PHYHIP: variants seen among roughly 807,000 people sequenced by gnomAD.
PHYHIP encodes phytanoyl-CoA hydroxylase-interacting protein.
In PHYHIP, 7 loss-of-function variants were observed where a neutral mutation model predicts 26.1. The ratio of observed to expected loss-of-function variants is 0.27; its 90% confidence interval spans 0.15 to 0.50. The LOEUF (loss-of-function observed/expected upper bound fraction) is 0.50. PHYHIP is among the 20% of genes least tolerant of loss of function. The pLI is 0.98. For missense variants in PHYHIP, 232 were observed against 454.7 expected, an observed-to-expected ratio of 0.51 and a Z score of 4.45; for synonymous variants, 206 against 183.4, an observed-to-expected ratio of 1.12 and a Z score of -1.00.
At position 22,221,578 on chromosome 8, in the gene PHYHIP, G is replaced by A; in HGVS notation, c.768C>T (p.Leu256=). The A allele has an allele frequency of 1.9e-6, 3 of 1,614,086 alleles. No homozygotes were observed. The highest frequency in any genetic ancestry group is 2.5e-6 in the Non-Finnish European group (3 of 1,180,014). ...GDRFCRDRLP[L]LDIACNKFLT... ...GGAACTTGTTGCAAGCAATGTCCAG[G>A]AGGGGCAGGCGGTCGCGGCAGAAGC... Residue 256 remains leucine, a synonymous_variant, in exon 5 of 5, where the codon CTC becomes CTT. Transcript: ENST00000454243. The surrounding 1 kb of genome is among the most constrained non-coding windows in gnomAD (Gnocchi z 7.9).
At position 22,228,297 on chromosome 8, in the gene PHYHIP, G is replaced by C. The variant is rs11547660; in HGVS notation, c.61C>G (p.Arg21Gly). The C allele has an allele frequency of 7.4e-6, 12 of 1,611,766 alleles. No individual in the cohort carries two copies. The highest frequency in any genetic ancestry group is 9.3e-6 in the Non-Finnish European group (11 of 1,179,380). Residue 21 changes from arginine to glycine, a missense_variant, in exon 2 of 5, where the codon CGC becomes GGC. Physicochemically the swap from Arg to Gly is moderately radical, Grantham distance 125. Coordinates refer to ENST00000454243, the MANE Select transcript of PHYHIP (RefSeq NM_014759.5). ...EINNITCDSF[R>G]ISWAMEDSDL... ...CTGTCCTCCATGGCCCAGGAGATGC[G>C]GAAGGAGTCGCAGGTGATGTTGTTG...
chr8:22,229,864 T>C (rs1052344740), intron 1 of PHYHIP, among the ~76,000 whole-genome samples: 2 of 152,142 alleles, frequency 1.3e-5, no homozygotes, highest in African/African-American at 2.4e-5. Flanking sequence ...CTGGCACCTC[T>C]GTATTAACCT....
chr8:22,230,920 T>C (rs928514952), intron 1 of PHYHIP, among the ~76,000 whole-genome samples: 3 of 152,068 alleles, frequency 2.0e-5, no homozygotes, highest in African/African-American at 7.2e-5. Context: ...CCAACATGCA[T>C]GTGTGCCACC....
intron 4 of PHYHIP, among the ~76,000 whole-genome samples, chr8:22,223,285 C>A (rs895473436): frequency 4.0e-5 from 6 of 151,278 alleles, no homozygotes; most frequent in Non-Finnish European, 8.8e-5. Context: ...TCATTTTAAC[C>A]CAGAAGGCAG....
At chr8:22,231,487 G>C (rs747610508) in intron 1 of PHYHIP, among the ~76,000 whole-genome samples, 52 of 152,170 alleles carry the variant, frequency 3.4e-4, no homozygotes, top group Non-Finnish European at 6.5e-4. Flanking sequence ...CGCGCACACC[G>C]GTGCCCCTTC....
At chr8:22,227,286 C>A (rs1043053721) in intron 2 of PHYHIP, among the ~76,000 whole-genome samples, 1 of 152,210 alleles carries the variant, frequency 6.6e-6, no homozygotes, top group Non-Finnish European at 1.5e-5. Context: ...AAGTTGAGGA[C>A]GGCAAGGCCT....
intron 1 of PHYHIP, among the ~76,000 whole-genome samples, chr8:22,229,551 G>A (rs962401136): frequency 9.8e-5 from 15 of 152,294 alleles, no homozygotes; most frequent in East Asian, 1.9e-4. Context: ...GCCTAGCTCC[G>A]GGATGGGGAA....
intron 3 of PHYHIP, 43 bp downstream of exon 3, chr8:22,226,808 A>T: frequency 5.8e-6 from 9 of 1,562,410 alleles, no homozygotes; most frequent in Non-Finnish European, 7.9e-6. Context: ...GCAAAGCCCG[A>T]CGTGCCAAGC....
In PHYHIP at chr8:22,225,807, CAAA is replaced by C. The variant is rs113615767; in HGVS notation, c.340+1041_340+1043del. Among the ~76,000 whole-genome samples the C allele has an allele frequency of 1.4e-4, 13 of 89,948 alleles. No individual in the cohort carries two copies. In the South Asian group the frequency reaches 3.8e-3, roughly 26 times the overall value. 59.0% of individuals were successfully genotyped at this position (89,948 alleles called of 152,430 possible). A position where few individuals can be genotyped will look rare whatever the true frequency, so the allele number is the denominator to read the frequency against. On this transcript the variant is annotated intron_variant, in intron 3 of 4. Coordinates refer to ENST00000454243, the MANE Select transcript of PHYHIP (RefSeq NM_014759.5). ...AGGCGACAAGAGCGAGATTCCATCT[CAAA>C]AAAAAAAAAAAGGCAGAAGGAGAAA...
chr8:22,223,089 G>A lies in PHYHIP; in HGVS notation c.458+1137C>T, dbSNP rs140195779. Among the ~76,000 whole-genome samples the A allele has an allele frequency of 3.1e-3, 474 of 151,920 alleles. 3 individuals carry two copies. Among genetic ancestry groups the A allele is most frequent in the African/African-American group, 0.01 (429 of 41,400 alleles). Reference sequence around the variant, plus strand: ...GGATAAAGACAGACAGAGGCCGGGCGTGGTGGCTCATGCCTGTAATCCCAG... The same window carrying A: ...GGATAAAGACAGACAGAGGCCGGGCATGGTGGCTCATGCCTGTAATCCCAG... On this transcript the variant is annotated intron_variant, in intron 4 of 4. Transcript: ENST00000454243.
Position 22,220,119 on chromosome 8 carries a change from T to A in PHYHIP, c.*1234A>T, listed in dbSNP as rs1017674844. ...TGAGGCTGCACTCTCCTCTGCCTGA[T>A]GTCACCTCCATCATCCCCCAAACAG... On this transcript the variant is annotated 3_prime_UTR_variant, in exon 5 of 5. Transcript: ENST00000454243. The A allele has an allele frequency of 6.6e-6, 1 of 152,516 alleles. No individual in the cohort carries two copies. Among genetic ancestry groups the A allele is most frequent in the South Asian group, 2.1e-4 (1 of 4,834 alleles). 9.4% of individuals were successfully genotyped at this position (152,516 alleles called of 1,614,324 possible).
chr8:22,224,174 G>T, intron 4 of PHYHIP, 52 bp downstream of exon 4: 1 of 1,064,306 alleles, frequency 9.4e-7, no homozygotes, highest in Non-Finnish European at 1.5e-6. Context: ...AGCAGGAAGG[G>T]CTGGGAGGGA....
chr8:22,227,165 T>G, intron 2 of PHYHIP, 140 bp from the exon 3 acceptor site: 1 of 748,684 alleles, frequency 1.3e-6, no homozygotes, highest in Non-Finnish European at 2.1e-6. Flanking sequence ...AATGGCTCCA[T>G]ACCCTGGCCA....
intron 2 of PHYHIP, 57 bp downstream of exon 2, chr8:22,228,136 C>G: frequency 6.9e-7 from 1 of 1,441,866 alleles, no homozygotes; most frequent in Non-Finnish European, 9.7e-7. Flanking sequence ...GTTCCCTTAT[C>G]CGGCCTCCTT....
At position 22,221,256 on chromosome 8, in the gene PHYHIP, AG is replaced by A. The variant is rs1490861233; in HGVS notation, c.*96del. On this transcript the variant is annotated 3_prime_UTR_variant, in exon 5 of 5. Coordinates refer to ENST00000454243, the MANE Select transcript of PHYHIP (RefSeq NM_014759.5). This position sits in a 1 kb window ranked among gnomAD's most constrained non-coding sequence, Gnocchi z 7.9. ...GGCAGCTGGGCAGAGTGGAGGGAGCAGGGGGGCAGGAGAGAGAAAGCCAGCT... is the reference window on the plus strand; with the variant it reads ...GGCAGCTGGGCAGAGTGGAGGGAGCAGGGGGCAGGAGAGAGAAAGCCAGCT... The A allele has an allele frequency of 2.6e-6, 3 of 1,151,256 alleles. No individual in the cohort carries two copies. Among genetic ancestry groups the A allele is most frequent in the Non-Finnish European group, 2.4e-6 (2 of 829,526 alleles). The allele number at this position is 1,151,256 out of a possible 1,614,324, so 71.3% of individuals were successfully genotyped here. A position where few individuals can be genotyped will look rare whatever the true frequency, so the allele number is the denominator to read the frequency against.
At position 22,220,637 on chromosome 8, in the gene PHYHIP, G is replaced by A. The variant is rs1249792199; in HGVS notation, c.*716C>T. On this transcript the variant is annotated 3_prime_UTR_variant, in exon 5 of 5. Coordinates refer to ENST00000454243, the MANE Select transcript of PHYHIP (RefSeq NM_014759.5). Reference sequence around the variant, plus strand: ...GCAAGGAGAAGGTATGCTGGGGTATGGAAGGAAGGAACATCCGACAGCCTG... The same window carrying A: ...GCAAGGAGAAGGTATGCTGGGGTATAGAAGGAAGGAACATCCGACAGCCTG... The A allele has an allele frequency of 2.6e-5, 4 of 152,318 alleles. No homozygotes were observed. The highest frequency in any genetic ancestry group is 5.9e-5 in the Non-Finnish European group (4 of 68,140). The allele number at this position is 152,318 out of a possible 1,614,324, so 9.4% of individuals were successfully genotyped here.
chr8:22,228,374 T>A lies in PHYHIP; in HGVS notation c.-17A>T, dbSNP rs1374925536. ...CAGCTCCATGCTCCCGTCAGGGTTG[T>A]CTCCTGTGGGGACTGAGGAGGAGGG... On this transcript the variant is annotated 5_prime_UTR_variant, in exon 2 of 5. Coordinates refer to ENST00000454243, the MANE Select transcript of PHYHIP (RefSeq NM_014759.5). 3 of 1,572,334 alleles carry A rather than the reference T, an allele frequency of 1.9e-6. No homozygotes were observed. Among genetic ancestry groups the A allele is most frequent in the Admixed American group, 1.9e-5 (1 of 53,690 alleles).
At position 22,221,423 on chromosome 8, in the gene PHYHIP, A is replaced by G; in HGVS notation, c.923T>C (p.Met308Thr). The stretch of plus-strand genomic sequence containing the variant: ...CTTGGCATCGGCAGTAGACAGACTC[A>G]TGAGCTGGTGCCCACTGATCTCCCC... Reference protein sequence around the residue: ...TLGEISGHQLMSLSTADAKKD... With the variant: ...TLGEISGHQLTSLSTADAKKD... Residue 308 changes from methionine (M) to threonine (T), a missense_variant, in exon 5 of 5, where the codon ATG becomes ACG. By Grantham distance (81) the Met-to-Thr change is moderately conservative. Transcript: ENST00000454243. This position sits in a 1 kb window ranked among gnomAD's most constrained non-coding sequence, Gnocchi z 7.9. 1 of 1,613,894 alleles carries G rather than the reference A, an allele frequency of 6.2e-7. No homozygotes were observed. Among genetic ancestry groups the G allele is most frequent in the African/African-American group, 1.3e-5 (1 of 75,054 alleles).
At chr8:22,222,437 C>A (rs1354645756) in intron 4 of PHYHIP, among the ~76,000 whole-genome samples, 1 of 152,196 alleles carries the variant, frequency 6.6e-6, no homozygotes, top group Non-Finnish European at 1.5e-5. Context: ...TGGCTTCCTA[C>A]TATGTGCAGG....
Sources: allele counts gnomAD v4.1 joint callset (sites outside exome capture counted in the v4.1 genomes callset), GRCh38; gene constraint gnomAD v4.1.1; non-coding constraint Gnocchi (gnomAD v3.1); transcripts MANE v1.5; gene names NCBI Gene and HGNC (gene_info 2026-07-23, HGNC 2026-07-21).